The following CREB5 variants were observed in gnomAD, a reference collection of about 807,000 sequenced individuals.
The protein encoded by CREB5 is cyclic AMP-responsive element-binding protein 5.
CREB5 carries 19 observed loss-of-function variants against 57.1 expected under a neutral mutation model. The ratio of observed to expected loss-of-function variants is 0.33; its 90% CI spans 0.23 to 0.49. The LOEUF (loss-of-function observed/expected upper bound fraction) is 0.49, where lower values mean the gene tolerates loss of function less well. Ranked by LOEUF, CREB5 falls within the 20% of genes least tolerant of loss-of-function variation. CREB5 has a pLI of 0.99. For synonymous variants in CREB5, 238 were observed against 238.3 expected, an observed-to-expected ratio of 1.00 and a Z score of 0.01; for missense variants, 579 against 671.6, an observed-to-expected ratio of 0.86 and a Z score of 1.52.
chr7:28,570,117 A>T (rs908506253), intron 4 of CREB5, among the ~76,000 whole-genome samples: 11 of 152,224 alleles, frequency 7.2e-5, no homozygotes, highest in Admixed American at 5.2e-4. Context: ...TCACATCAGG[A>T]TGGCAGCAGA....
chr7:28,560,866 C>CGCGCGCGCGCG (rs1562797336), intron 4 of CREB5, among the ~76,000 whole-genome samples: 1 of 50,264 alleles, frequency 2.0e-5, no homozygotes, highest in Admixed American at 1.9e-4. Flanking sequence ...GTGCGTGTGC[C>CGCGCGCGCGCG]TGCGTGCGCG....
intron 4 of CREB5, among the ~76,000 whole-genome samples, chr7:28,545,189 C>T (rs943298728): frequency 5.3e-5 from 8 of 152,120 alleles, no homozygotes; most frequent in Admixed American, 6.6e-5. Context: ...CTAAGAATTC[C>T]ACTTCACTGC....
intron 5 of CREB5, among the ~76,000 whole-genome samples, chr7:28,652,638 C>T (rs191147405): frequency 1.9e-3 from 285 of 152,286 alleles, no homozygotes; most frequent in African/African-American, 6.7e-3. Context: ...CCTGCAGTAA[C>T]GTTGTGAGAG....
At chr7:28,307,900 G>A (rs1785216501) in intron 1 of CREB5, among the ~76,000 whole-genome samples, 1 of 152,234 alleles carries the variant, frequency 6.6e-6, no homozygotes, top group African/African-American at 2.4e-5. Context: ...ACACCTTGGG[G>A]AGACTTTTCC....
At chr7:28,512,603 T>C (rs1227152133) in intron 4 of CREB5, among the ~76,000 whole-genome samples, 2 of 152,086 alleles carry the variant, frequency 1.3e-5, no homozygotes, top group African/African-American at 4.8e-5. Context: ...AGAAATTGCA[T>C]AATACACATC....
chr7:28,726,604 A>G (rs531800160), intron 7 of CREB5: 2 of 152,072 alleles, frequency 1.3e-5, no homozygotes, highest in African/African-American at 4.8e-5. Flanking sequence ...TTGTTGTTCT[A>G]TGCCTAATTT....
Position 28,433,462 on chromosome 7 carries a change from T to G in CREB5, c.3+20545T>G, listed in dbSNP as rs189294117. Among the ~76,000 whole-genome samples the G allele has an allele frequency of 2.0e-4, 31 of 152,290 alleles. No individual in the cohort carries two copies. The East Asian group carries it at 6.0e-3, about 29-fold the overall frequency. On this transcript the variant is annotated intron_variant, in intron 1 of 10. Coordinates refer to ENST00000357727, the MANE Select transcript of CREB5 (RefSeq NM_182898.4). ...ATCTTTGTTTCTGCTTTTTGGCCAT[T>G]TTTCTCTCAGAGTATTAATATTTTG...
At chr7:28,593,612 T>G (rs928313956) in intron 5 of CREB5, among the ~76,000 whole-genome samples, 1 of 152,208 alleles carries the variant, frequency 6.6e-6, no homozygotes, top group Admixed American at 6.5e-5. Flanking sequence ...GCTCCATCCA[T>G]AAGTGGAGAC....
intron 4 of CREB5, among the ~76,000 whole-genome samples, chr7:28,522,678 G>T (rs1396266982): frequency 6.6e-6 from 1 of 152,186 alleles, no homozygotes; most frequent in African/African-American, 2.4e-5. Context: ...GATTACAGGT[G>T]TGAGGCCACC....
chr7:28,479,561 C>G (rs34323713), intron 1 of CREB5, among the ~76,000 whole-genome samples: 23,713 of 152,150 alleles, frequency 0.16, 1,970 homozygotes, highest in Non-Finnish European at 0.18. Context: ...TGTTCACACA[C>G]TTGACATTTG....
chr7:28,662,174 T>C (rs574087634), intron 5 of CREB5, among the ~76,000 whole-genome samples: 56 of 152,280 alleles, frequency 3.7e-4, no homozygotes, highest in African/African-American at 1.3e-3. Flanking sequence ...AAAAGCCAGG[T>C]CATTCCTTTG....
chr7:28,468,491 CAG>C (rs1790680419), intron 1 of CREB5, among the ~76,000 whole-genome samples: 2 of 152,200 alleles, frequency 1.3e-5, no homozygotes, highest in Admixed American at 1.3e-4. Context: ...CTGTCTGAGA[CAG>C]AGACAGATCT....
rs1786483455 is a variant in CREB5 at position 28,361,526 on chromosome 7, T to C, written c.-25+62085T>C. Among the ~76,000 whole-genome samples, 3 of 152,300 alleles carry C rather than the reference T, an allele frequency of 2.0e-5. No homozygotes were observed. In the South Asian group the frequency reaches 6.2e-4, roughly 32 times the overall value. On this transcript the variant is annotated intron_variant, in intron 1 of 9. Transcript: ENST00000396299. ...ATATGACCTGACATTGGCCAAATAATTTCTTCCAGGGTGTTGACTCTTGAG... is the reference window on the plus strand; with the variant it reads ...ATATGACCTGACATTGGCCAAATAACTTCTTCCAGGGTGTTGACTCTTGAG...
chr7:28,305,026 A>T (rs775891088), intron 1 of CREB5, among the ~76,000 whole-genome samples: 1 of 152,232 alleles, frequency 6.6e-6, no homozygotes, highest in East Asian at 1.9e-4. Context: ...GAAAAAATAC[A>T]TTTTAAAAAA....
chr7:28,639,375 G>A (rs180779104), intron 5 of CREB5, among the ~76,000 whole-genome samples: 1 of 152,310 alleles, frequency 6.6e-6, no homozygotes, highest in East Asian at 1.9e-4. Flanking sequence ...GGCATTTTGG[G>A]AGGCTTAAAT....
chr7:28,489,167 C>T (rs181961480), intron 2 of CREB5, among the ~76,000 whole-genome samples: 82 of 152,140 alleles, frequency 5.4e-4, no homozygotes, highest in Admixed American at 1.5e-3. Context: ...AGGGGTCTTT[C>T]AGGTGTGGCG....
At chr7:28,659,449 A>G (rs1458702948) in intron 5 of CREB5, among the ~76,000 whole-genome samples, 1 of 152,092 alleles carries the variant, frequency 6.6e-6, no homozygotes, top group Admixed American at 6.5e-5. Context: ...TTCTCTCAGT[A>G]TGCTGTGACA....
At chr7:28,465,498 C>A (rs1179404924) in intron 1 of CREB5, among the ~76,000 whole-genome samples, 1 of 152,192 alleles carries the variant, frequency 6.6e-6, no homozygotes, top group Non-Finnish European at 1.5e-5. Flanking sequence ...AGTGCAGAGA[C>A]CATCCCACAG....
chr7:28,405,046 G>T (rs1326658772), intron 1 of CREB5, among the ~76,000 whole-genome samples: 3 of 152,208 alleles, frequency 2.0e-5, no homozygotes, highest in African/African-American at 7.2e-5. Flanking sequence ...TAGCTCAAGG[G>T]TTGGCACAGA....
Sources: gnomAD v4.1 joint callset for allele counts (sites outside exome capture counted in the v4.1 genomes callset) on GRCh38, gnomAD v4.1.1 for gene constraint, MANE v1.5 for transcripts, NCBI Gene and HGNC (gene_info 2026-07-23, HGNC 2026-07-21) for gene names.